SLC15A5: variants seen among roughly 807,000 people sequenced by gnomAD.
SLC15A5 encodes the protein Peptide/histidine transporter ENSP00000340402.
In SLC15A5, 58 loss-of-function variants were observed where a neutral mutation model predicts 56.1. The ratio of observed to expected loss-of-function variants is 1.03; its 90% CI spans 0.84 to 1.29. The LOEUF (loss-of-function observed/expected upper bound fraction) is 1.29. Among genes scored for constraint, SLC15A5 ranks in the 50% most tolerant of loss-of-function variants. The pLI is 0.00. For missense variants in SLC15A5, 681 were observed against 672.1 expected, an observed-to-expected ratio of 1.01 and a Z score of -0.15; for synonymous variants, 264 against 250.5, an observed-to-expected ratio of 1.05 and a Z score of -0.51.
intron 5 of SLC15A5, among the ~76,000 whole-genome samples, chr12:16,231,193 T>C (rs2136252952): frequency 6.6e-6 from 1 of 152,324 alleles, no homozygotes; most frequent in Middle Eastern, 3.4e-3. Flanking sequence ...TTTAAGATCC[T>C]ATTCCACTAA....
intron 1 of SLC15A5, among the ~76,000 whole-genome samples, chr12:16,275,266 G>C (rs546764691): frequency 1.3e-5 from 2 of 152,180 alleles, no homozygotes; most frequent in South Asian, 4.2e-4. Flanking sequence ...TTCAGAAAGA[G>C]AGAAGAGCAT....
intron 1 of SLC15A5, among the ~76,000 whole-genome samples, chr12:16,274,543 G>A (rs1397492526): frequency 6.6e-6 from 1 of 152,056 alleles, no homozygotes; most frequent in African/African-American, 2.4e-5. Flanking sequence ...ACAATGTAAA[G>A]ACTATATGCC....
At chr12:16,249,465 C>A (rs1003202558) in intron 3 of SLC15A5, among the ~76,000 whole-genome samples, 1 of 152,026 alleles carries the variant, frequency 6.6e-6, no homozygotes, top group Admixed American at 6.6e-5. Context: ...CAAAGCACAA[C>A]CCTCAAATAT....
At chr12:16,240,429 A>G (rs1025854417) in intron 4 of SLC15A5, among the ~76,000 whole-genome samples, 2 of 152,070 alleles carry the variant, frequency 1.3e-5, no homozygotes, top group African/African-American at 4.8e-5. Flanking sequence ...TTTGTTTCCA[A>G]TGTGAACTAA....
At chr12:16,214,002 T>C (rs1864107483) in intron 7 of SLC15A5, among the ~76,000 whole-genome samples, 1 of 152,240 alleles carries the variant, frequency 6.6e-6, no homozygotes, top group Non-Finnish European at 1.5e-5. Flanking sequence ...TACAAGTTGC[T>C]TGTATATTGA....
In SLC15A5 at chr12:16,271,908, G is replaced by C. The variant is rs1182181965; in HGVS notation, c.584+653C>G. On this transcript the variant is annotated intron_variant, in intron 2 of 8. Coordinates refer to ENST00000344941, the MANE Select transcript of SLC15A5 (RefSeq NM_001170798.1). The surrounding 1 kb of genome is among the most constrained non-coding windows in gnomAD (Gnocchi z 8.0). Reference sequence around the variant, plus strand: ...ACAGGAAGGCTGTTTGATTTTCATGGAATATAAACTCTTTTAGGTGTTGGG... The same window carrying C: ...ACAGGAAGGCTGTTTGATTTTCATGCAATATAAACTCTTTTAGGTGTTGGG... Among the ~76,000 whole-genome samples the C allele has an allele frequency of 2.0e-5, 3 of 152,164 alleles. No individual in the cohort carries two copies. The highest frequency in any genetic ancestry group is 2.0e-4 in the Admixed American group (3 of 15,268).
chr12:16,220,728 C>A (rs1160790627), intron 6 of SLC15A5, among the ~76,000 whole-genome samples: 1 of 152,026 alleles, frequency 6.6e-6, no homozygotes, highest in Non-Finnish European at 1.5e-5. Context: ...TTTTGTGCAC[C>A]CTTCTCTGAT....
At chr12:16,253,677 C>T (rs1864541270) in intron 3 of SLC15A5, among the ~76,000 whole-genome samples, 2 of 144,660 alleles carry the variant, frequency 1.4e-5, no homozygotes, top group Admixed American at 1.4e-4. Flanking sequence ...TTGAGATCAG[C>T]CTAGGCAACA....
At chr12:16,240,560 C>G (rs1043009237) in intron 4 of SLC15A5, among the ~76,000 whole-genome samples, 1 of 152,046 alleles carries the variant, frequency 6.6e-6, no homozygotes, top group African/African-American at 2.4e-5. Context: ...GTGAAAGATA[C>G]AATTTTTTTA....
intron 2 of SLC15A5, among the ~76,000 whole-genome samples, chr12:16,266,034 T>C (rs1207563715): frequency 6.6e-6 from 1 of 152,186 alleles, no homozygotes; most frequent in Non-Finnish European, 1.5e-5. Flanking sequence ...CTCTCAATAA[T>C]TGGCCTAGAA....
intron 8 of SLC15A5, among the ~76,000 whole-genome samples, chr12:16,190,180 A>T (rs1407399037): frequency 6.6e-6 from 1 of 152,182 alleles, no homozygotes; most frequent in African/African-American, 2.4e-5. Flanking sequence ...TGCTGAGATT[A>T]TGTGGAAAGC....
intron 8 of SLC15A5, among the ~76,000 whole-genome samples, chr12:16,193,780 G>GGAGAGAGAGAGAGAGAGAGAGAGA (rs766458422): frequency 1.3e-5 from 1 of 75,692 alleles, no homozygotes; most frequent in African/African-American, 5.1e-5. Flanking sequence ...TATGTCAAGG[G>GGAGAGAGAGAGAGAGAGAGAGAGA]GAGAGAGAGA....
At chr12:16,193,787 G>T in intron 8 of SLC15A5, among the ~76,000 whole-genome samples, 1 of 13,804 alleles carries the variant, frequency 7.2e-5, no homozygotes, top group Non-Finnish European at 1.6e-4. Context: ...AGGGGAGAGA[G>T]AGAGAGAGAG....
chr12:16,256,810 C>G (rs7311093), intron 3 of SLC15A5, among the ~76,000 whole-genome samples: 67,970 of 150,458 alleles, frequency 0.45, 15,552 homozygotes, highest in South Asian at 0.61. Context: ...AGTGAGCGGA[C>G]ATCGCACCAC....
intron 7 of SLC15A5, among the ~76,000 whole-genome samples, chr12:16,204,598 G>T (rs1439838570): frequency 6.6e-6 from 1 of 151,730 alleles, no homozygotes; most frequent in East Asian, 1.9e-4. Context: ...ATAATTAAAA[G>T]GAGAGTGATA....
chr12:16,228,166 A>T (rs1456677590), intron 5 of SLC15A5, among the ~76,000 whole-genome samples: 1 of 152,232 alleles, frequency 6.6e-6, no homozygotes, highest in African/African-American at 2.4e-5. Flanking sequence ...ATCAGAAGAC[A>T]ATTGAAAATG....
chr12:16,194,388 A>G lies in SLC15A5; in HGVS notation c.1549T>C (p.Leu517=). Residue 517 remains leucine, a synonymous_variant, in exon 8 of 9, where the codon TTA becomes CTA. Coordinates refer to ENST00000344941, the MANE Select transcript of SLC15A5 (RefSeq NM_001170798.1). ...AATCCCAGGACGTTCAACAATGTTA[A>G]TGATGCCAGGAAGAAGAAGAAGCTT... is the stretch of plus-strand genomic sequence containing the variant. ...LESFFFFLAS[L]TLLNVLGFCS... is the part of the protein sequence containing the mutation. The G allele has an allele frequency of 6.5e-7, 1 of 1,535,540 alleles. No homozygotes were observed. The highest frequency in any genetic ancestry group is 8.7e-7 in the Non-Finnish European group (1 of 1,145,660).
rs561087537 is a variant in SLC15A5 at position 16,251,256 on chromosome 12, CAAT to C, written c.754+6442_754+6444del. 3.3e-5 allele frequency among the ~76,000 whole-genome samples: 5 copies of C among 151,664 alleles called. No individual in the cohort carries two copies. In the South Asian group the frequency reaches 1.0e-3, roughly 32 times the overall value. On this transcript the variant is annotated intron_variant, in intron 3 of 8. Transcript: ENST00000344941. ...TTAATAAAGAAGAATGATCTCAAAT[CAAT>C]AACTTAACCTTACACCTCAAGGAAC... is the stretch of plus-strand genomic sequence containing the variant.
intron 5 of SLC15A5, among the ~76,000 whole-genome samples, chr12:16,229,277 G>T (rs1331239416): frequency 6.6e-6 from 1 of 152,142 alleles, no homozygotes; most frequent in African/African-American, 2.4e-5. Context: ...CAGTCTAATT[G>T]CCTTGCTACT....
Sources: gnomAD v4.1 joint callset for allele counts (sites outside exome capture counted in the v4.1 genomes callset) on GRCh38, gnomAD v4.1.1 for gene constraint, Gnocchi (gnomAD v3.1) non-coding constraint, MANE v1.5 for transcripts, NCBI Gene and HGNC (gene_info 2026-07-23, HGNC 2026-07-21) for gene names.